Variants in MED12L observed in about 807,000 individuals in gnomAD.
MED12L encodes the protein mediator complex subunit 12L.
In MED12L, 60 loss-of-function variants were observed where a neutral mutation model predicts 281.3. The ratio of observed to expected loss-of-function variants is 0.21; its 90% confidence interval spans 0.17 to 0.26. MED12L has a LOEUF of 0.26. Ranked by LOEUF, MED12L falls within the 10% of genes least tolerant of loss-of-function variation. MED12L has a pLI of 1.00. For missense variants in MED12L, 2,146 were observed against 2,680.9 expected (o/e 0.80, Z 4.41); for synonymous variants, 974 against 987.2 (o/e 0.99, Z 0.25).
chr3:151,265,741 C>T (rs1318336062), intron 16 of MED12L, among the ~76,000 whole-genome samples: 1 of 152,134 alleles, frequency 6.6e-6, no homozygotes, highest in Non-Finnish European at 1.5e-5. Context: ...CCATCTCAGC[C>T]TCACCAAGAG....
chr3:151,280,839 C>T (rs1168829445), intron 16 of MED12L, among the ~76,000 whole-genome samples: 2 of 151,572 alleles, frequency 1.3e-5, no homozygotes, highest in African/African-American at 4.9e-5. Context: ...CCTGGCAACC[C>T]TTGGAGAAGT....
At chr3:151,228,576 T>C (rs1463064414) in intron 16 of MED12L, among the ~76,000 whole-genome samples, 2 of 152,214 alleles carry the variant, frequency 1.3e-5, no homozygotes, top group Admixed American at 1.3e-4. Flanking sequence ...GGCCCAGCAG[T>C]GCTTGAACAA....
intron 16 of MED12L, among the ~76,000 whole-genome samples, chr3:151,258,471 T>C (rs1738243270): frequency 6.6e-6 from 1 of 152,214 alleles, no homozygotes; most frequent in Non-Finnish European, 1.5e-5. Flanking sequence ...CTGGGTTAAA[T>C]TCCAGGGTAT....
At chr3:151,285,075 C>G (rs73023066) in intron 16 of MED12L, among the ~76,000 whole-genome samples, 3,299 of 152,236 alleles carry the variant, frequency 0.022, 115 homozygotes, top group African/African-American at 0.077. Context: ...TTGCAGTAAC[C>G]TGGATGGAGT....
chr3:151,213,172 T>C lies in MED12L; in HGVS notation c.2250+19506T>C, dbSNP rs56155270. On this transcript the variant is annotated intron_variant, in intron 16 of 44. Transcript: ENST00000687756. ...CATGGAAACTTATATTTGAATTTTATTGAACTAAATTGGATGGCAGTGCTA... is the reference window on the plus strand; with the variant it reads ...CATGGAAACTTATATTTGAATTTTACTGAACTAAATTGGATGGCAGTGCTA... 3,990 of 690,676 alleles carry C rather than the reference T, an allele frequency of 5.8e-3. 138 individuals carry two copies. The African/African-American group carries it at 0.063, about 11-fold the overall frequency. The allele number at this position is 690,676 out of a possible 1,614,324, so 42.8% of individuals were successfully genotyped here. A position where few individuals can be genotyped will look rare whatever the true frequency, so the allele number is the denominator to read the frequency against.
chr3:151,218,635 G>T (rs369646529), intron 16 of MED12L, among the ~76,000 whole-genome samples: 2 of 151,956 alleles, frequency 1.3e-5, no homozygotes, highest in Non-Finnish European at 2.9e-5. Flanking sequence ...TTGGGAGGCC[G>T]AGGTGGGTGG....
intron 4 of MED12L, 92 bp from the exon 5 acceptor site, chr3:151,127,732 AG>A: frequency 1.2e-6 from 1 of 867,384 alleles, no homozygotes; most frequent in Non-Finnish European, 1.7e-6. Context: ...GGTAACTTAC[AG>A]ACTCTTTCTT....
At chr3:151,193,699 A>T in intron 16 of MED12L, 33 bp downstream of exon 16, 1 of 1,509,880 alleles carries the variant, frequency 6.6e-7, no homozygotes, top group Non-Finnish European at 9.1e-7. Context: ...CTATACCCTG[A>T]TTATTTTATT....
At position 151,350,216 on chromosome 3, in the gene MED12L, C is replaced by A; in HGVS notation, c.2398+10C>A. 6.2e-7 allele frequency: 1 copy of A among 1,611,984 alleles called. No homozygotes were observed. The highest frequency in any genetic ancestry group is 8.5e-7 in the Non-Finnish European group (1 of 1,178,918). On this transcript the variant is annotated intron_variant, in intron 17 of 44. Coordinates refer to ENST00000687756, the MANE Select transcript of MED12L (RefSeq NM_001393769.1). ...ACCACAGAGACAGGGGGTAAAGAAC[C>A]TTAATGCATTTGCTCCCATTGTGTT...
At chr3:151,268,997 C>G (rs1226780975) in intron 16 of MED12L, among the ~76,000 whole-genome samples, 1 of 152,176 alleles carries the variant, frequency 6.6e-6, no homozygotes, top group Admixed American at 6.5e-5. Context: ...AGCGGTGTGA[C>G]CCCCAAAACC....
Position 151,266,643 on chromosome 3 carries a change from G to A in MED12L, c.2250+72977G>A, listed in dbSNP as rs553368847. 2.6e-5 allele frequency among the ~76,000 whole-genome samples: 4 copies of A among 152,238 alleles called. No homozygotes were observed. In the East Asian group the frequency reaches 7.7e-4, roughly 29 times the overall value. On this transcript the variant is annotated intron_variant, in intron 16 of 44. Transcript: ENST00000687756. ...ACCTTGAAGATTTTAAGTAAATGAA[G>A]GAGTGGATGAGCAAGTGATATGAAC...
At position 151,435,194 on chromosome 3, in the gene MED12L, G is replaced by A. The variant is rs1381950247; in HGVS notation, c.*2390G>A. 2.6e-5 allele frequency: 3 copies of A among 115,762 alleles called. No individual in the cohort carries two copies. The highest frequency in any genetic ancestry group is 7.0e-5 in the African/African-American group (2 of 28,570). The allele number at this position is 115,762 out of a possible 1,614,324, so 7.2% of individuals were successfully genotyped here. A position where few individuals can be genotyped will look rare whatever the true frequency, so the allele number is the denominator to read the frequency against. The stretch of plus-strand genomic sequence containing the variant: ...AAATTACCTTAGAATAAGATGGAGC[G>A]AGACCCCAGCTCCCCTTAAAGACAA... On this transcript the variant is annotated 3_prime_UTR_variant, in exon 45 of 45. Transcript: ENST00000687756.
At chr3:151,211,343 T>C (rs1727122727) in intron 16 of MED12L, among the ~76,000 whole-genome samples, 1 of 152,102 alleles carries the variant, frequency 6.6e-6, no homozygotes, top group Admixed American at 6.5e-5. Flanking sequence ...CCAATGTAAG[T>C]TGTGAAGAAT....
At chr3:151,272,787 T>A (rs1249175573) in intron 16 of MED12L, among the ~76,000 whole-genome samples, 1 of 152,160 alleles carries the variant, frequency 6.6e-6, no homozygotes, top group African/African-American at 2.4e-5. Flanking sequence ...GTTTTGACTC[T>A]CAACTATGTA....
At chr3:151,295,378 G>T (rs527613457) in intron 16 of MED12L, 12 of 585,454 alleles carry the variant, frequency 2.0e-5, no homozygotes, top group Non-Finnish European at 2.7e-5. Flanking sequence ...AGTGGCCAAA[G>T]AATTAGTGAC....
At chr3:151,184,353 G>A (rs756342701) in intron 11 of MED12L, among the ~76,000 whole-genome samples, 3 of 152,168 alleles carry the variant, frequency 2.0e-5, no homozygotes, top group Non-Finnish European at 4.4e-5. Context: ...CTTCCATGGC[G>A]TGTGCTCATA....
intron 16 of MED12L, among the ~76,000 whole-genome samples, chr3:151,321,233 GT>G (rs1278071147): frequency 1.3e-5 from 2 of 152,050 alleles, no homozygotes; most frequent in Non-Finnish European, 2.9e-5. Context: ...TTTTTTGACA[GT>G]TTTTTTCTCC....
chr3:151,294,647 C>A, intron 16 of MED12L: 2 of 1,614,156 alleles, frequency 1.2e-6, no homozygotes, highest in South Asian at 1.1e-5. Context: ...CCATTTGACC[C>A]CCAAAGGACT....
intron 16 of MED12L, among the ~76,000 whole-genome samples, chr3:151,252,402 C>G (rs762582158): frequency 6.6e-6 from 1 of 152,144 alleles, no homozygotes; most frequent in Admixed American, 6.6e-5. Context: ...ATTGCAACTT[C>G]TGGCATAAAT....
Sources: gnomAD v4.1 joint callset for allele counts (sites outside exome capture counted in the v4.1 genomes callset) on GRCh38, gnomAD v4.1.1 for gene constraint, MANE v1.5 for transcripts, NCBI Gene and HGNC (gene_info 2026-07-23, HGNC 2026-07-21) for gene names.